ATP1A4: variants seen among roughly 807,000 people sequenced by gnomAD.
The protein encoded by ATP1A4 is ATPase Na+/K+ transporting subunit alpha 4.
In ATP1A4, 90 loss-of-function variants were observed where a neutral mutation model predicts 114.3. The observed-to-expected ratio is 0.79, with a 90% CI of 0.66 to 0.94. The LOEUF (loss-of-function observed/expected upper bound fraction) is 0.94. Ranked by LOEUF, ATP1A4 falls within the 40% of genes least tolerant of loss-of-function variation. The pLI is 0.00. For synonymous variants in ATP1A4, 511 were observed against 494.1 expected, an observed-to-expected ratio of 1.03 and a Z score of -0.45; for missense variants, 1,222 against 1,313.6, an observed-to-expected ratio of 0.93 and a Z score of 1.08.
At chr1:160,173,468 G>A (rs541752036) in intron 12 of ATP1A4, 113 bp from the exon 13 acceptor site, 193 of 1,433,840 alleles carry the variant, frequency 1.3e-4, no homozygotes, top group Non-Finnish European at 1.6e-4. Context: ...GGGAATGAGC[G>A]ACTAAAACCC....
intron 12 of ATP1A4, 41 bp downstream of exon 12, chr1:160,171,798 A>G (rs1653274733): frequency 2.5e-6 from 4 of 1,596,864 alleles, no homozygotes; most frequent in Non-Finnish European, 3.4e-6. Context: ...ACCTGTCACA[A>G]GTTGAAGCAT....
Position 160,174,216 on chromosome 1 carries a change from C to A in ATP1A4, c.2097C>A (p.Thr699=), listed in dbSNP as rs764664442. 6.2e-7 allele frequency: 1 copy of A among 1,614,114 alleles called. No individual in the cohort carries two copies. The highest frequency in any genetic ancestry group is 1.1e-5 in the South Asian group (1 of 91,074). Residue 699 remains threonine (T), a synonymous_variant, in exon 14 of 22, where the codon ACC becomes ACA. Transcript: ENST00000368081. ...QNHPEIVFAR[T]SPQQKLIIVE... ...ACCCTGAGATCGTGTTTGCTCGGAC[C>A]TCCCCTCAGCAGAAGCTCATCATTG...
intron 15 of ATP1A4, among the ~76,000 whole-genome samples, chr1:160,175,181 G>A (rs974465756): frequency 6.6e-6 from 1 of 152,034 alleles, no homozygotes; most frequent in East Asian, 1.9e-4. Flanking sequence ...AGCTTGACCC[G>A]TGAATTGACT....
Position 160,167,005 on chromosome 1 carries a change from G to C in ATP1A4, c.1284G>C (p.Met428Ile), listed in dbSNP as rs2101637406. The C allele has an allele frequency of 6.2e-7, 1 of 1,614,176 alleles. No individual in the cohort carries two copies. Among genetic ancestry groups the C allele is most frequent in the Non-Finnish European group, 8.5e-7 (1 of 1,180,028 alleles). ...TFTKSSDTWF[M>I]LARIAGLCNR... ...CCAAGAGCTCTGATACCTGGTTTAT[G>C]CTGGCCCGAATCGCTGGCCTCTGCA... The change falls in exon 9 of 22, where the codon ATG becomes ATC. Residue 428 changes from methionine (M) to isoleucine (I), a missense_variant. Coordinates refer to ENST00000368081, the MANE Select transcript of ATP1A4 (RefSeq NM_144699.4).
chr1:160,163,287 A>C (rs558177991), intron 6 of ATP1A4, among the ~76,000 whole-genome samples: 1 of 152,302 alleles, frequency 6.6e-6, no homozygotes, highest in Admixed American at 6.5e-5. Context: ...GGTGTCCTAT[A>C]ATTCAATTCA....
intron 1 of ATP1A4, among the ~76,000 whole-genome samples, chr1:160,152,619 T>C (rs1479943674): frequency 6.6e-6 from 1 of 152,186 alleles, no homozygotes; most frequent in East Asian, 1.9e-4. Flanking sequence ...ATAGGGATGT[T>C]TCTTTAGTGG....
At chr1:160,183,708 T>C (rs1293091384) in intron 20 of ATP1A4, among the ~76,000 whole-genome samples, 1 of 152,240 alleles carries the variant, frequency 6.6e-6, no homozygotes, top group Non-Finnish European at 1.5e-5. Context: ...TATTGTGCTT[T>C]TGACATATGA....
Position 160,153,198 on chromosome 1 carries a change from A to T in ATP1A4, c.181A>T (p.Thr61Ser), listed in dbSNP as rs751248044. Residue 61 changes from threonine (T) to serine (S), a missense_variant, in exon 2 of 22, where the codon ACC (threonine) becomes TCC (serine). Thr to Ser is a moderately conservative substitution (Grantham distance 58, BLOSUM62 1). Transcript: ENST00000368081. ...DHKLTLEELSTKYSVDLTKGH... is the reference protein window; with the variant it reads ...DHKLTLEELSSKYSVDLTKGH... ...CAAATTAACCTTGGAAGAGCTGAGCACCAAGTACTCCGTGGACCTGACAAA... is the reference window on the plus strand; with the variant it reads ...CAAATTAACCTTGGAAGAGCTGAGCTCCAAGTACTCCGTGGACCTGACAAA... 6.2e-7 allele frequency: 1 copy of T among 1,613,918 alleles called. No homozygotes were observed. The highest frequency in any genetic ancestry group is 1.7e-5 in the Admixed American group (1 of 60,004).
In ATP1A4 at chr1:160,166,553, G is replaced by A. The variant is rs200507673; in HGVS notation, c.1073G>A (p.Arg358His). The change falls in exon 8 of 22, where the codon CGC becomes CAC. Residue 358 changes from arginine to histidine, a missense_variant. Transcript: ENST00000368081. The part of the protein sequence containing the change: ...VTVCLTLTAK[R>H]MARKNCLVKN... ...GTGTGCCTGACCCTCACAGCCAAGC[G>A]CATGGCGCGGAAGAACTGCCTGGTG... The A allele has an allele frequency of 1.5e-4, 243 of 1,614,214 alleles. 3 individuals are homozygous for A. The highest frequency in any genetic ancestry group is 1.5e-3 in the South Asian group (135 of 91,080).
At position 160,167,267 on chromosome 1, in the gene ATP1A4, C is replaced by T. The variant is rs1558021669; in HGVS notation, c.1357-11C>T. On this transcript the variant is annotated splice_polypyrimidine_tract_variant and intron_variant, in intron 9 of 21. Transcript: ENST00000368081. ...CCCCTGGGGCTTACTATACAAACCCCATCCTGGCAGAGGGCCACAACAGGT... is the reference window on the plus strand; with the variant it reads ...CCCCTGGGGCTTACTATACAAACCCTATCCTGGCAGAGGGCCACAACAGGT... The T allele has an allele frequency of 1.9e-6, 3 of 1,597,340 alleles. No individual in the cohort carries two copies. Among genetic ancestry groups the T allele is most frequent in the Non-Finnish European group, 2.6e-6 (3 of 1,173,098 alleles).
At chr1:160,168,693 A>AC (rs1043180637) in intron 10 of ATP1A4, among the ~76,000 whole-genome samples, 1 of 151,950 alleles carries the variant, frequency 6.6e-6, no homozygotes, top group African/African-American at 2.4e-5. Context: ...CTCTATATAA[A>AC]TTTTTTTTAA....
chr1:160,156,478 G>A (rs557801714), intron 4 of ATP1A4, among the ~76,000 whole-genome samples: 208 of 151,766 alleles, frequency 1.4e-3, no homozygotes, highest in South Asian at 1.0e-3. Flanking sequence ...AGCGGGGTGC[G>A]GTGGGGGGTG....
chr1:160,170,753 T>G, intron 10 of ATP1A4: 1 of 146,206 alleles, frequency 6.8e-6, no homozygotes, highest in Non-Finnish European at 1.5e-5. Context: ...CCAGCTAATT[T>G]TTGTATTTTT....
rs1399167698 is a variant in ATP1A4 at position 160,151,930 on chromosome 1, C to A, written c.-111C>A. The A allele has an allele frequency of 1.6e-6, 2 of 1,263,038 alleles. No individual in the cohort carries two copies. The allele number at this position is 1,263,038 out of a possible 1,614,324, so 78.2% of individuals were successfully genotyped here. A position where few individuals can be genotyped will look rare whatever the true frequency, so the allele number is the denominator to read the frequency against. On this transcript the variant is annotated 5_prime_UTR_variant, in exon 1 of 22. Coordinates refer to ENST00000368081, the MANE Select transcript of ATP1A4 (RefSeq NM_144699.4). Reference sequence around the variant, plus strand: ...TTCTGCTCCCTCATTCTCTCCCCACCACTCTCTTCTCGTGGCCCCCTTGCC... The same window carrying A: ...TTCTGCTCCCTCATTCTCTCCCCACAACTCTCTTCTCGTGGCCCCCTTGCC...
At chr1:160,155,961 G>A (rs1184344459) in intron 3 of ATP1A4, 84 bp from the exon 4 acceptor site, 7 of 816,792 alleles carry the variant, frequency 8.6e-6, no homozygotes, top group East Asian at 4.9e-5. Context: ...TGGTGAAACT[G>A]CTGTGCCCCT....
At chr1:160,176,711 C>G in intron 17 of ATP1A4, 109 bp downstream of exon 17, 2 of 1,435,990 alleles carry the variant, frequency 1.4e-6, no homozygotes, top group Non-Finnish European at 9.4e-7. Flanking sequence ...CAGCAACAAA[C>G]TGTGCTAGGC....
At chr1:160,172,630 G>A (rs1653305531) in intron 12 of ATP1A4, among the ~76,000 whole-genome samples, 1 of 152,194 alleles carries the variant, frequency 6.6e-6, no homozygotes, top group Non-Finnish European at 1.5e-5. Flanking sequence ...TTACAGCTTA[G>A]ATATAGACAC....
intron 4 of ATP1A4, among the ~76,000 whole-genome samples, chr1:160,158,727 C>A (rs1431113240): frequency 6.6e-6 from 1 of 152,130 alleles, no homozygotes. Context: ...ATTCTATGGG[C>A]CAAAGCAAGT....
At chr1:160,174,493 G>T (rs1405370411) in intron 14 of ATP1A4, 86 bp from the exon 15 acceptor site, 65 of 1,541,156 alleles carry the variant, frequency 4.2e-5, no homozygotes, top group Non-Finnish European at 5.4e-5. Flanking sequence ...CAGGAAACAA[G>T]GGATGCAGAA....
Sources: allele counts gnomAD v4.1 joint callset (sites outside exome capture counted in the v4.1 genomes callset), GRCh38; gene constraint gnomAD v4.1.1; transcripts MANE v1.5; gene names NCBI Gene and HGNC (gene_info 2026-07-23, HGNC 2026-07-21).